SLC38A10: variants seen among roughly 807,000 people sequenced by gnomAD.
The protein encoded by SLC38A10 is Sodium-coupled neutral amino acid transporter 10.
Under a neutral mutation model 81.0 loss-of-function variants are expected in SLC38A10, and 53 were observed. That is an observed-to-expected ratio of 0.65 (90% CI 0.53 to 0.82). SLC38A10 has a LOEUF of 0.82. Ranked by LOEUF, SLC38A10 falls within the 40% of genes least tolerant of loss-of-function variation. The probability of loss-of-function intolerance (pLI) is 0.00; values close to 1 mark genes in which losing one functional copy is unlikely to be tolerated. For synonymous variants in SLC38A10, 665 were observed against 655.3 expected, an observed-to-expected ratio of 1.01 and a Z score of -0.23; for missense variants, 1,471 against 1,545.0, an observed-to-expected ratio of 0.95 and a Z score of 0.80.
At chr17:81,251,276 T>A (rs1201123323) in intron 14 of SLC38A10, 1 of 1,597,984 alleles carries the variant, frequency 6.3e-7, no homozygotes, top group East Asian at 2.2e-5. Flanking sequence ...CCGCAGGTGT[T>A]TAAAGGGGAG....
intron 14 of SLC38A10, chr17:81,250,087 A>G (rs2062896338): frequency 4.7e-6 from 6 of 1,288,388 alleles, no homozygotes; most frequent in Non-Finnish European, 6.1e-6. Flanking sequence ...TATCTTTTTA[A>G]TTTCAGCTGC....
In SLC38A10 at chr17:81,283,425, C is replaced by T. The variant is rs770958785; in HGVS notation, c.341G>A (p.Arg114Gln). 16 of 1,611,794 alleles carry T rather than the reference C, an allele frequency of 9.9e-6. No individual in the cohort carries two copies. The highest frequency in any genetic ancestry group is 1.7e-5 in the Admixed American group (1 of 59,796). ...CATCCTTACCTGAAACCCGAACAGC[C>T]GGGCAAAGAAGTTGGACCCCAAGTC... Reference protein sequence around the residue: ...IGDLGSNFFARLFGFQVGGTF... With the variant: ...IGDLGSNFFAQLFGFQVGGTF... The change falls in exon 4 of 16, where the codon CGG becomes CAG. Residue 114 changes from arginine to glutamine, a missense_variant. Around this residue, in one of 2 missense-constraint regions of SLC38A10, gnomAD observed 720 missense variants for 827.7 expected, o/e 0.87. Transcript: ENST00000374759. This position sits in a 1 kb window ranked among gnomAD's most constrained non-coding sequence, Gnocchi z 4.7.
intron 11 of SLC38A10, among the ~76,000 whole-genome samples, chr17:81,254,987 T>C (rs944094869): frequency 6.6e-6 from 1 of 152,248 alleles, no homozygotes; most frequent in Admixed American, 6.5e-5. Flanking sequence ...GAGCAGTCAT[T>C]TTCTCAGCAG....
Position 81,253,692 on chromosome 17 carries a change from C to A in SLC38A10, c.1289-452G>T, listed in dbSNP as rs990357108. On this transcript the variant is annotated intron_variant, in intron 11 of 15. Transcript: ENST00000374759. The surrounding 1 kb of genome is among the most constrained non-coding windows in gnomAD (Gnocchi z 4.1). Reference sequence around the variant, plus strand: ...TCATCTCCATCCCTACCACCAACATCACCATCATCACCATCACCATCACCA... The same window carrying A: ...TCATCTCCATCCCTACCACCAACATAACCATCATCACCATCACCATCACCA... 6.0e-5 allele frequency among the ~76,000 whole-genome samples: 9 copies of A among 151,060 alleles called. No homozygotes were observed. Among genetic ancestry groups the A allele is most frequent in the African/African-American group, 2.2e-4 (9 of 40,948 alleles).
At chr17:81,255,968 C>T (rs966222941) in intron 11 of SLC38A10, among the ~76,000 whole-genome samples, 3 of 151,984 alleles carry the variant, frequency 2.0e-5, no homozygotes, top group Non-Finnish European at 4.4e-5. Context: ...GGCGACAGAG[C>T]GAGACTCCAT....
Position 81,265,186 on chromosome 17 carries a change from C to A in SLC38A10, c.1132-4792G>T. ...ACCTGAGGTCAGGAGTGTTCAAGAC[C>A]AGCCTGGCCAACATGGTGAAACCGT... On this transcript the variant is annotated intron_variant, in intron 10 of 15. Coordinates refer to ENST00000374759, the MANE Select transcript of SLC38A10 (RefSeq NM_001037984.3). This position sits in a 1 kb window ranked among gnomAD's most constrained non-coding sequence, Gnocchi z 4.2. 6.6e-6 allele frequency: 1 copy of A among 152,364 alleles called. No individual in the cohort carries two copies. The allele number at this position is 152,364 out of a possible 1,614,324, so 9.4% of individuals were successfully genotyped here.
Position 81,294,812 on chromosome 17 carries a change from ACC to A in SLC38A10, c.99+9_99+10del, listed in dbSNP as rs1487658379. On this transcript the variant is annotated intron_variant, in intron 1 of 15. Coordinates refer to ENST00000374759, the MANE Select transcript of SLC38A10 (RefSeq NM_001037984.3). The stretch of plus-strand genomic sequence containing the variant: ...GGCGAGGGCGGTGATCTCCGGGCCC[ACC>A]GGACTCACCTGTTTGAAGCAGAAGG... 6.4e-7 allele frequency: 1 copy of A among 1,574,580 alleles called. No homozygotes were observed. The highest frequency in any genetic ancestry group is 1.4e-5 in the African/African-American group (1 of 71,746).
At chr17:81,252,086 GGA>G (rs1424256181) in intron 13 of SLC38A10, 107 bp downstream of exon 13, 28 of 1,426,646 alleles carry the variant, frequency 2.0e-5, no homozygotes, top group Middle Eastern at 4.6e-4. Flanking sequence ...TCTGGTGCAG[GGA>G]GAGAGACTGG....
At chr17:81,251,134 C>T (rs2062906677) in intron 14 of SLC38A10, 3 of 1,515,086 alleles carry the variant, frequency 2.0e-6, no homozygotes, top group Non-Finnish European at 2.7e-6. Flanking sequence ...GCTTTAAATA[C>T]TCCGAGTGTT....
In SLC38A10 at chr17:81,246,512, A is replaced by T. The variant is rs371112025; in HGVS notation, c.2404T>A (p.Ser802Thr). The T allele has an allele frequency of 6.5e-7, 1 of 1,531,146 alleles. No homozygotes were observed. Among genetic ancestry groups the T allele is most frequent in the Non-Finnish European group, 8.8e-7 (1 of 1,141,900 alleles). The allele number at this position is 1,531,146 out of a possible 1,614,324, so 94.8% of individuals were successfully genotyped here. Residue 802 changes from serine to threonine, a missense_variant, in exon 16 of 16, where the codon TCC becomes ACC. Transcript: ENST00000374759. ...PAPSQDLNQR[S>T]LEHSEGPVGR... Reference sequence around the variant, plus strand: ...ACAGGCCCCTCAGAGTGCTCCAGGGAGCGCTGGTTAAGGTCCTGGGATGGA... The same window carrying T: ...ACAGGCCCCTCAGAGTGCTCCAGGGTGCGCTGGTTAAGGTCCTGGGATGGA...
At chr17:81,271,888 G>A (rs910660006) in intron 9 of SLC38A10, among the ~76,000 whole-genome samples, 3 of 149,682 alleles carry the variant, frequency 2.0e-5, no homozygotes, top group African/African-American at 2.5e-5. Context: ...CACCACGCCC[G>A]GCTAATTTTT....
chr17:81,260,544 G>A (rs867648190), intron 10 of SLC38A10, 150 bp from the exon 11 acceptor site: 2 of 1,109,866 alleles, frequency 1.8e-6, no homozygotes, highest in Non-Finnish European at 2.5e-6. Context: ...GGACAGGCGT[G>A]CAGTCGGCCC....
chr17:81,287,333 C>T (rs925248630), intron 2 of SLC38A10, among the ~76,000 whole-genome samples: 81 of 152,146 alleles, frequency 5.3e-4, no homozygotes, highest in African/African-American at 1.3e-3. Context: ...AGTCTGTGTG[C>T]GAGGACGGGA....
chr17:81,284,964 G>GC, intron 2 of SLC38A10, 69 bp from the exon 3 acceptor site: 1 of 1,427,670 alleles, frequency 7.0e-7, no homozygotes, highest in African/African-American at 1.4e-5. Flanking sequence ...AAGGTACTGA[G>GC]CCAAGCTGTC....
chr17:81,270,229 C>T lies in SLC38A10; in HGVS notation c.1131+689G>A, dbSNP rs2063102523. Among the ~76,000 whole-genome samples, 2 of 152,184 alleles carry T rather than the reference C, an allele frequency of 1.3e-5. No homozygotes were observed. Among genetic ancestry groups the T allele is most frequent in the African/African-American group, 4.8e-5 (2 of 41,436 alleles). ...GCCACCACATTTACAGATGCTCACA[C>T]CCCTGACACAGGATTCCATTTCTAG... On this transcript the variant is annotated intron_variant, in intron 10 of 15. Transcript: ENST00000374759. This position sits in a 1 kb window ranked among gnomAD's most constrained non-coding sequence, Gnocchi z 4.0.
rs142959492 is a variant in SLC38A10 at position 81,266,635 on chromosome 17, A to G, written c.1131+4283T>C. 3.4e-3 allele frequency among the ~76,000 whole-genome samples: 509 copies of G among 151,458 alleles called. 6 individuals carry two copies. The highest frequency in any genetic ancestry group is 0.012 in the African/African-American group (482 of 40,882). Reference sequence around the variant, plus strand: ...CTCCATCTCAAAAAAAAAAAAAAGAAAAAGAAAAAAAAAGAAAATCCAGCG... The same window carrying G: ...CTCCATCTCAAAAAAAAAAAAAAGAGAAAGAAAAAAAAAGAAAATCCAGCG... On this transcript the variant is annotated intron_variant, in intron 10 of 15. Transcript: ENST00000374759.
At chr17:81,258,230 GC>G (rs2062990042) in intron 11 of SLC38A10, among the ~76,000 whole-genome samples, 1 of 152,200 alleles carries the variant, frequency 6.6e-6, no homozygotes, top group African/African-American at 2.4e-5. Flanking sequence ...ACTCCGCTCA[GC>G]AGTCTGACAG....
intron 14 of SLC38A10, among the ~76,000 whole-genome samples, chr17:81,248,794 A>G (rs532432536): frequency 6.6e-6 from 1 of 152,104 alleles, no homozygotes; most frequent in East Asian, 1.9e-4. Context: ...CCTCGCCCAG[A>G]CCCCTGGATG....
chr17:81,291,602 G>A (rs971255477), intron 1 of SLC38A10, among the ~76,000 whole-genome samples: 5 of 152,162 alleles, frequency 3.3e-5, no homozygotes, highest in South Asian at 2.1e-4. Context: ...CCGGGGATGC[G>A]GGCCGGCATG....
Sources: allele counts gnomAD v4.1 joint callset (sites outside exome capture counted in the v4.1 genomes callset), GRCh38; gene constraint gnomAD v4.1.1; regional missense constraint gnomAD v4.1.1; non-coding constraint Gnocchi (gnomAD v3.1); transcripts MANE v1.5; gene names NCBI Gene and HGNC (gene_info 2026-07-23, HGNC 2026-07-21).